MBOAT1: variants seen among roughly 807,000 people sequenced by gnomAD.
MBOAT1 encodes the protein membrane bound glycerophospholipid O-acyltransferase 1.
A neutral mutation model predicts 64.4 loss-of-function variants in MBOAT1; 67 were observed. That is an observed-to-expected ratio of 1.04 (90% confidence interval 0.85 to 1.27). MBOAT1 has a LOEUF of 1.27. MBOAT1 is among the 50% of genes most tolerant of loss of function. The probability of loss-of-function intolerance (pLI) is 0.00; values close to 1 mark genes in which losing one functional copy is unlikely to be tolerated. For missense variants in MBOAT1, 563 were observed against 604.6 expected (o/e 0.93, Z 0.72); for synonymous variants, 229 against 218.9 (o/e 1.05, Z -0.41).
chr6:20,186,423 T>C (rs1039439440), intron 1 of MBOAT1, among the ~76,000 whole-genome samples: 3 of 152,184 alleles, frequency 2.0e-5, no homozygotes, highest in African/African-American at 7.2e-5. Flanking sequence ...GCCCTGGGTG[T>C]TGTCACCTTT....
chr6:20,207,235 C>T (rs1298324683), intron 1 of MBOAT1, among the ~76,000 whole-genome samples: 1 of 152,200 alleles, frequency 6.6e-6, no homozygotes, highest in Non-Finnish European at 1.5e-5. Flanking sequence ...AAAACCCTTG[C>T]TTCCTCCTCC....
rs563170113 is a variant in MBOAT1 at position 20,162,338 on chromosome 6, G to A, written c.100-9569C>T. On this transcript the variant is annotated intron_variant, in intron 1 of 12. Coordinates refer to ENST00000324607, the MANE Select transcript of MBOAT1 (RefSeq NM_001080480.3). ...AGGTAAGACTCAAAGCAAAGGCTGC[G>A]TGGGATGCTGGGAGCCTCGGAGCTT... Among the ~76,000 whole-genome samples, 5 of 152,236 alleles carry A rather than the reference G, an allele frequency of 3.3e-5. No individual in the cohort carries two copies. In the South Asian group the frequency reaches 6.2e-4, roughly 19 times the overall value.
At chr6:20,121,740 A>C (rs1760498170) in intron 8 of MBOAT1, among the ~76,000 whole-genome samples, 2 of 152,208 alleles carry the variant, frequency 1.3e-5, no homozygotes. Context: ...ATAGGAAGAG[A>C]AAAGAGAAAA....
At chr6:20,199,530 C>A (rs529113898) in intron 1 of MBOAT1, among the ~76,000 whole-genome samples, 1 of 152,248 alleles carries the variant, frequency 6.6e-6, no homozygotes, top group South Asian at 2.1e-4. Flanking sequence ...AAAACTTAGT[C>A]TTTTACTTCC....
At chr6:20,170,103 T>G (rs1326943339) in intron 1 of MBOAT1, among the ~76,000 whole-genome samples, 1 of 152,136 alleles carries the variant, frequency 6.6e-6, no homozygotes, top group Non-Finnish European at 1.5e-5. Flanking sequence ...TCCCTCTCCT[T>G]TGAGGGCAGT....
chr6:20,206,613 C>A (rs1427794410), intron 1 of MBOAT1, among the ~76,000 whole-genome samples: 2 of 152,148 alleles, frequency 1.3e-5, no homozygotes, highest in Admixed American at 1.3e-4. Flanking sequence ...CGGGTCACAC[C>A]CCCTCTGCTC....
In MBOAT1 at chr6:20,111,680, A is replaced by G. The variant is rs1317293368; in HGVS notation, c.1209+1196T>C. Among the ~76,000 whole-genome samples the G allele has an allele frequency of 2.0e-5, 3 of 151,364 alleles. No homozygotes were observed. In the Admixed American group the frequency reaches 2.0e-4, roughly 10 times the overall value. On this transcript the variant is annotated intron_variant, in intron 11 of 12. Transcript: ENST00000324607. ...CACTTGTTCTTTAGTTTTCTTTTATAATCTAAATAGTTACATGAACAGGAG... is the reference window on the plus strand; with the variant it reads ...CACTTGTTCTTTAGTTTTCTTTTATGATCTAAATAGTTACATGAACAGGAG...
Position 20,109,241 on chromosome 6 carries a change from C to G in MBOAT1, c.1361+357G>C, listed in dbSNP as rs151007137. 1.1e-3 allele frequency among the ~76,000 whole-genome samples: 175 copies of G among 152,238 alleles called. 5 individuals carry two copies. The East Asian group carries it at 0.027, about 24-fold the overall frequency. On this transcript the variant is annotated intron_variant, in intron 12 of 12. Transcript: ENST00000324607. ...CCATTTCTGTCCTGCTCTCAGAACA[C>G]GTCATAGTCCCCAGTACAGCCTACC...
rs1219953314 is a variant in MBOAT1, at chr6:20,211,981, C to A, written c.99+155G>T. Reference sequence around the variant, plus strand: ...CTCAAGAAGGGAAAACACACACACACACACACACACACACACACACACAAA... The same window carrying A: ...CTCAAGAAGGGAAAACACACACACAAACACACACACACACACACACACAAA... On this transcript the variant is annotated intron_variant, in intron 1 of 12. Transcript: ENST00000324607. 1,911 of 593,178 alleles carry A rather than the reference C, an allele frequency of 3.2e-3. 14 individuals are homozygous for A. The highest frequency in any genetic ancestry group is 0.018 in the African/African-American group (852 of 48,666). The allele number at this position is 593,178 out of a possible 1,614,324, so 36.7% of individuals were successfully genotyped here. A position where few individuals can be genotyped will look rare whatever the true frequency, so the allele number is the denominator to read the frequency against.
chr6:20,199,536 CT>C lies in MBOAT1; in HGVS notation c.99+12599del, dbSNP rs143554792. Among the ~76,000 whole-genome samples the C allele has an allele frequency of 5.6e-3, 852 of 152,340 alleles. 12 individuals carry two copies. Among genetic ancestry groups the C allele is most frequent in the African/African-American group, 0.019 (803 of 41,584 alleles). On this transcript the variant is annotated intron_variant, in intron 1 of 12. Transcript: ENST00000324607. ...AACAAACAAAAAACTTAGTCTTTTA[CT>C]TCCTTTTTGTAAACTCCCAGTCTGC...
intron 1 of MBOAT1, among the ~76,000 whole-genome samples, chr6:20,175,636 T>C (rs1472545714): frequency 6.6e-6 from 1 of 151,438 alleles, no homozygotes; most frequent in Non-Finnish European, 1.5e-5. Context: ...CTTTCTTTTT[T>C]TTTTTTTTGT....
At chr6:20,199,430 TAAGTTTTGCACCATAGTA>T (rs1763056690) in intron 1 of MBOAT1, among the ~76,000 whole-genome samples, 1 of 152,206 alleles carries the variant, frequency 6.6e-6, no homozygotes, top group Admixed American at 6.5e-5. Flanking sequence ...TACATCAACT[TAAGTTTTGCACCATAGTA>T]AAACTAAGTA....
At chr6:20,113,823 AAAAT>A (rs751493514) in intron 10 of MBOAT1, among the ~76,000 whole-genome samples, 19 of 150,804 alleles carry the variant, frequency 1.3e-4, no homozygotes, top group Non-Finnish European at 2.7e-4. Context: ...TATATAATAA[AAAAT>A]AAATAAATAA....
At chr6:20,166,689 G>C (rs958651293) in intron 1 of MBOAT1, among the ~76,000 whole-genome samples, 1 of 152,142 alleles carries the variant, frequency 6.6e-6, no homozygotes, top group African/African-American at 2.4e-5. Flanking sequence ...TATAATCCCA[G>C]CACTTTGGGA....
chr6:20,104,356 T>C (rs1338992747), intron 12 of MBOAT1, among the ~76,000 whole-genome samples: 1 of 152,232 alleles, frequency 6.6e-6, no homozygotes, highest in Non-Finnish European at 1.5e-5. Context: ...AAGGTTCTTC[T>C]TTTGTGTCTT....
intron 1 of MBOAT1, among the ~76,000 whole-genome samples, chr6:20,153,282 A>G (rs974030533): frequency 6.6e-6 from 1 of 152,196 alleles, no homozygotes; most frequent in Non-Finnish European, 1.5e-5. Context: ...GACAAACCCA[A>G]CAGTTTTTCT....
chr6:20,111,092 C>G (rs973987626), intron 11 of MBOAT1, among the ~76,000 whole-genome samples: 2 of 152,172 alleles, frequency 1.3e-5, no homozygotes, highest in Non-Finnish European at 2.9e-5. Flanking sequence ...GATAAATAAA[C>G]TGAGACTTAG....
intron 4 of MBOAT1, among the ~76,000 whole-genome samples, chr6:20,131,739 C>T (rs984238101): frequency 5.9e-5 from 9 of 152,028 alleles, no homozygotes; most frequent in South Asian, 4.2e-4. Context: ...TATTTCCCTT[C>T]GAAATCACTT....
chr6:20,108,508 A>G (rs760782887), intron 12 of MBOAT1, among the ~76,000 whole-genome samples: 1 of 152,208 alleles, frequency 6.6e-6, no homozygotes, highest in Non-Finnish European at 1.5e-5. Context: ...TTCTCTTTCT[A>G]TAGCCTCAAA....
Sources: gnomAD v4.1 joint callset for allele counts (sites outside exome capture counted in the v4.1 genomes callset) on GRCh38, gnomAD v4.1.1 for gene constraint, MANE v1.5 for transcripts, NCBI Gene and HGNC (gene_info 2026-07-23, HGNC 2026-07-21) for gene names.